ACTL8: variants seen among roughly 807,000 people sequenced by gnomAD.
ACTL8 encodes actin like 8.
Under a neutral mutation model 9.3 loss-of-function variants are expected in ACTL8, and 3 were observed. That is an observed-to-expected ratio of 0.32 (90% CI 0.15 to 0.83). The LOEUF is 0.83. Among genes scored for constraint, ACTL8 ranks in the 40% least tolerant of loss-of-function variants. The pLI is 0.57. For missense variants in ACTL8, 381 were observed against 492.2 expected (o/e 0.77, Z 2.14); for synonymous variants, 224 against 205.9 (o/e 1.09, Z -0.75).
Position 17,826,616 on chromosome 1 carries a change from G to T in ACTL8, c.*97G>T. 7.9e-7 allele frequency: 1 copy of T among 1,262,136 alleles called. No homozygotes were observed. Among genetic ancestry groups the T allele is most frequent in the Non-Finnish European group, 1.1e-6 (1 of 944,782 alleles). The allele number at this position is 1,262,136 out of a possible 1,614,324, so 78.2% of individuals were successfully genotyped here. ...CTGGGTGGGGGTAGAATGAGGTGGGGTGGGGTGAGCTGGCTTTGGAATTCT... is the reference window on the plus strand; with the variant it reads ...CTGGGTGGGGGTAGAATGAGGTGGGTTGGGGTGAGCTGGCTTTGGAATTCT... On this transcript the variant is annotated 3_prime_UTR_variant, in exon 3 of 3. Coordinates refer to ENST00000375406, the MANE Select transcript of ACTL8 (RefSeq NM_030812.3). The surrounding 1 kb of genome is among the most constrained non-coding windows in gnomAD (Gnocchi z 4.5).
intron 1 of ACTL8, among the ~76,000 whole-genome samples, chr1:17,775,360 T>C (rs2066111568): frequency 1.2e-5 from 1 of 81,434 alleles, no homozygotes; most frequent in Non-Finnish European, 3.3e-5. Flanking sequence ...TGCCTGGAAC[T>C]GGAGGAGGAG....
chr1:17,800,210 T>A (rs2066310693), intron 1 of ACTL8, among the ~76,000 whole-genome samples: 2 of 152,224 alleles, frequency 1.3e-5, no homozygotes, highest in Non-Finnish European at 2.9e-5. Flanking sequence ...ACAGTTTCCC[T>A]TTTGGGTCAT....
intron 1 of ACTL8, among the ~76,000 whole-genome samples, chr1:17,781,304 GAT>G (rs1557433026): frequency 6.7e-6 from 1 of 150,274 alleles, no homozygotes; most frequent in Non-Finnish European, 1.5e-5. Context: ...ACACTGGTGC[GAT>G]CTCAGCTTGC....
At chr1:17,824,379 T>C (rs148553678) in intron 2 of ACTL8, among the ~76,000 whole-genome samples, 178 of 152,324 alleles carry the variant, frequency 1.2e-3, no homozygotes, top group African/African-American at 3.9e-3. Flanking sequence ...AGCCCTATTA[T>C]TATTTTTTAA....
At chr1:17,776,211 G>A (rs1234561250) in intron 1 of ACTL8, among the ~76,000 whole-genome samples, 1 of 152,224 alleles carries the variant, frequency 6.6e-6, no homozygotes, top group African/African-American at 2.4e-5. Context: ...GTCCTAGGCA[G>A]GATGGGACTT....
At chr1:17,783,461 T>C (rs2066172169) in intron 1 of ACTL8, among the ~76,000 whole-genome samples, 1 of 152,038 alleles carries the variant, frequency 6.6e-6, no homozygotes, top group Non-Finnish European at 1.5e-5. Context: ...TTTAAAGCAT[T>C]CATCACTTGT....
intron 1 of ACTL8, among the ~76,000 whole-genome samples, chr1:17,814,304 C>T (rs1340258859): frequency 6.6e-6 from 1 of 152,142 alleles, no homozygotes; most frequent in Admixed American, 6.5e-5. Context: ...CAAAACCAGC[C>T]CGGACAACAG....
chr1:17,789,612 C>T (rs1354407374), intron 1 of ACTL8, among the ~76,000 whole-genome samples: 2 of 152,046 alleles, frequency 1.3e-5, no homozygotes, highest in African/African-American at 2.4e-5. Context: ...GTGGATGTTC[C>T]AAGCACATGT....
chr1:17,763,879 G>A (rs1468334251), intron 1 of ACTL8, among the ~76,000 whole-genome samples: 3 of 152,198 alleles, frequency 2.0e-5, no homozygotes, highest in Non-Finnish European at 4.4e-5. Context: ...CAGGGGTTGC[G>A]ATGGAGCTCC....
intron 1 of ACTL8, among the ~76,000 whole-genome samples, chr1:17,796,667 A>T (rs2066279223): frequency 6.6e-6 from 1 of 152,218 alleles, no homozygotes; most frequent in Non-Finnish European, 1.5e-5. Flanking sequence ...CCCAGCTCTC[A>T]CAGCTACCCT....
intron 1 of ACTL8, among the ~76,000 whole-genome samples, chr1:17,768,437 G>C (rs2066061527): frequency 1.0e-5 from 1 of 96,766 alleles, no homozygotes; most frequent in African/African-American, 2.9e-5. Flanking sequence ...TGGGGTGCTG[G>C]TGTCAGAAGA....
chr1:17,775,982 C>G (rs2066116014), intron 1 of ACTL8, among the ~76,000 whole-genome samples: 1 of 152,182 alleles, frequency 6.6e-6, no homozygotes, highest in African/African-American at 2.4e-5. Context: ...AGGCCTCAGA[C>G]CAGATCTGTC....
At chr1:17,796,046 C>T (rs1196602931) in intron 1 of ACTL8, among the ~76,000 whole-genome samples, 4 of 152,168 alleles carry the variant, frequency 2.6e-5, no homozygotes, top group South Asian at 2.1e-4. Flanking sequence ...GCTGGTGGCT[C>T]GCTCTGCTCA....
chr1:17,772,366 C>T (rs1180504478), intron 1 of ACTL8, among the ~76,000 whole-genome samples: 2 of 152,078 alleles, frequency 1.3e-5, no homozygotes, highest in Non-Finnish European at 2.9e-5. Flanking sequence ...GGCTGTTACT[C>T]GGCACTTCAG....
intron 1 of ACTL8, among the ~76,000 whole-genome samples, chr1:17,807,557 C>A (rs766556059): frequency 6.6e-6 from 1 of 152,052 alleles, no homozygotes; most frequent in South Asian, 2.1e-4. Context: ...ATGTTTATTG[C>A]GGTACTATTC....
intron 1 of ACTL8, among the ~76,000 whole-genome samples, chr1:17,764,250 T>G (rs7547139): frequency 0.045 from 6,793 of 152,174 alleles, 513 homozygotes; most frequent in African/African-American, 0.15. Context: ...TATCCTGCAG[T>G]GCACAGGCCG....
intron 1 of ACTL8, among the ~76,000 whole-genome samples, chr1:17,806,115 G>A (rs562565969): frequency 6.6e-6 from 1 of 152,328 alleles, no homozygotes; most frequent in Admixed American, 6.5e-5. Flanking sequence ...CAGCCGGGAT[G>A]TCGAGCGATT....
In ACTL8 at chr1:17,758,496, C is replaced by T. The variant is rs116830511; in HGVS notation, c.-25+2992C>T. On this transcript the variant is annotated intron_variant, in intron 1 of 2. Coordinates refer to ENST00000375406, the MANE Select transcript of ACTL8 (RefSeq NM_030812.3). ...CTAAGTCAATTCACAGACCCAGAAT[C>T]CCTGGGTGGCCGGGTCCCCTTGAGG... is the stretch of plus-strand genomic sequence containing the variant. 6.5e-3 allele frequency among the ~76,000 whole-genome samples: 994 copies of T among 152,324 alleles called. 11 individuals are homozygous for T. The highest frequency in any genetic ancestry group is 0.023 in the African/African-American group (945 of 41,566).
At chr1:17,817,710 C>T (rs4920388) in intron 1 of ACTL8, among the ~76,000 whole-genome samples, 83,632 of 149,188 alleles carry the variant, frequency 0.56, 23,921 homozygotes, top group East Asian at 0.74. Context: ...TCTTTCTTTT[C>T]TTTTTTTCGA....
Sources: allele counts gnomAD v4.1 joint callset (sites outside exome capture counted in the v4.1 genomes callset), GRCh38; gene constraint gnomAD v4.1.1; non-coding constraint Gnocchi (gnomAD v3.1); transcripts MANE v1.5; gene names NCBI Gene and HGNC (gene_info 2026-07-23, HGNC 2026-07-21).